The following PPA1 variants were observed in gnomAD, a reference collection of about 807,000 sequenced individuals.
PPA1 encodes inorganic pyrophosphatase 1.
In PPA1, 23 loss-of-function variants were observed where a neutral mutation model predicts 41.8. That is an observed-to-expected ratio of 0.55 (90% CI 0.40 to 0.78). The LOEUF (loss-of-function observed/expected upper bound fraction) is 0.78, where lower values mean the gene tolerates loss of function less well. Among genes scored for constraint, PPA1 ranks in the 30% least tolerant of loss-of-function variants. The pLI is 0.00. For missense variants in PPA1, 320 were observed against 361.6 expected (o/e 0.89, Z 0.93); for synonymous variants, 101 against 116.8 (o/e 0.86, Z 0.87).
At chr10:70,233,200 G>A (rs915537844) in intron 1 of PPA1, 64 bp downstream of exon 1, 18 of 1,497,060 alleles carry the variant, frequency 1.2e-5, no homozygotes, top group Non-Finnish European at 1.5e-5. Context: ...CCCTCCCGGG[G>A]AGGCAAGGCC....
Position 70,213,452 on chromosome 10 carries a change from A to G in PPA1, c.511+11T>C, listed in dbSNP as rs750871014. On this transcript the variant is annotated intron_variant, in intron 6 of 10. Coordinates refer to ENST00000373232, the MANE Select transcript of PPA1 (RefSeq NM_021129.4). The stretch of plus-strand genomic sequence containing the variant: ...AATTAGAAAGACTTCAGACTTTTCA[A>G]ATTTTCTTACCATTATAATTGGCTG... The G allele has an allele frequency of 5.6e-6, 9 of 1,613,432 alleles. No homozygotes were observed. Among genetic ancestry groups the G allele is most frequent in the East Asian group, 4.5e-5 (2 of 44,876 alleles).
At chr10:70,209,892 A>G (rs1839997407) in intron 6 of PPA1, 2 of 549,780 alleles carry the variant, frequency 3.6e-6, no homozygotes, top group Admixed American at 3.7e-5. Flanking sequence ...AGCCATACAC[A>G]TATACATTGA....
At chr10:70,230,501 A>G in intron 1 of PPA1, 102 bp from the exon 2 acceptor site, 1 of 1,188,530 alleles carries the variant, frequency 8.4e-7, no homozygotes, top group Non-Finnish European at 1.2e-6. Context: ...TTACTCTGTC[A>G]CCCAGGATGG....
intron 6 of PPA1, among the ~76,000 whole-genome samples, chr10:70,212,141 A>T (rs1449272436): frequency 6.6e-6 from 1 of 151,956 alleles, no homozygotes. Flanking sequence ...ACAATTAAGG[A>T]CCTCCTTGAG....
At chr10:70,209,802 C>A in intron 6 of PPA1, 117 bp from the exon 7 acceptor site, 5 of 1,230,498 alleles carry the variant, frequency 4.1e-6, no homozygotes, top group Non-Finnish European at 5.7e-6. Flanking sequence ...ATTCCAAGTA[C>A]TTATTTTGAA....
intron 4 of PPA1, among the ~76,000 whole-genome samples, chr10:70,216,466 G>A (rs1840082791): frequency 1.4e-5 from 2 of 146,468 alleles, no homozygotes; most frequent in Non-Finnish European, 3.0e-5. Flanking sequence ...CAGCCCGGGC[G>A]ACAGTGCAAG....
At position 70,209,655 on chromosome 10, in the gene PPA1, C is replaced by T; in HGVS notation, c.542G>A (p.Gly181Asp). 2 of 1,604,338 alleles carry T rather than the reference C, an allele frequency of 1.2e-6. No homozygotes were observed. Among genetic ancestry groups the T allele is most frequent in the Non-Finnish European group, 1.7e-6 (2 of 1,173,722 alleles). The change falls in exon 7 of 11, where the codon GGC (glycine) becomes GAC (aspartate). Residue 181 changes from glycine (G) to aspartate (D), a missense_variant. By Grantham distance (94) the Gly-to-Asp change is moderately conservative. Transcript: ENST00000373232. ...CCAGTCCACAGTAGCTTCTAAGTAG[C>T]CAGGTTTCAGCCGTTTGACATCATT... ...DINDVKRLKP[G>D]YLEATVDWFR...
intron 1 of PPA1, among the ~76,000 whole-genome samples, 191 bp downstream of exon 1, chr10:70,233,073 C>G (rs1224066288): frequency 3.3e-5 from 5 of 152,146 alleles, no homozygotes; most frequent in Admixed American, 3.3e-4. Flanking sequence ...TGGCCGGAGG[C>G]GACCCTCGCC....
intron 2 of PPA1, among the ~76,000 whole-genome samples, chr10:70,219,529 T>C (rs996484091): frequency 1.3e-5 from 2 of 152,198 alleles, no homozygotes; most frequent in Non-Finnish European, 2.9e-5. Flanking sequence ...ATACTTTAGT[T>C]TTAGCATCAA....
chr10:70,209,255 G>A lies in PPA1; in HGVS notation c.675C>T (p.Asp225=), dbSNP rs757996197. ...TCTTAGTCACTAATGCTTTCCAATG[G>A]TCATGAGTGCTTTTAATAATATCAA... ...FAIDIIKSTH[D]HWKALVTKKT... The change falls in exon 8 of 11, where the codon GAC becomes GAT. Residue 225 remains aspartate (D), a synonymous_variant. Transcript: ENST00000373232. 6 of 1,602,376 alleles carry A rather than the reference G, an allele frequency of 3.7e-6. No individual in the cohort carries two copies. In the South Asian group the frequency reaches 6.6e-5, roughly 18 times the overall value.
At chr10:70,224,034 A>G (rs1260142333) in intron 2 of PPA1, among the ~76,000 whole-genome samples, 1 of 152,166 alleles carries the variant, frequency 6.6e-6, no homozygotes, top group Non-Finnish European at 1.5e-5. Context: ...AAACTCAATA[A>G]TTACCTTGCT....
intron 8 of PPA1, among the ~76,000 whole-genome samples, chr10:70,208,151 T>C (rs1029598513): frequency 3.3e-5 from 5 of 151,822 alleles, no homozygotes; most frequent in African/African-American, 1.2e-4. Context: ...GATCATGCCA[T>C]TGCACTCCAG....
intron 6 of PPA1, among the ~76,000 whole-genome samples, chr10:70,210,867 G>A (rs888154700): frequency 1.3e-5 from 2 of 151,430 alleles, no homozygotes; most frequent in Non-Finnish European, 1.5e-5. Flanking sequence ...CCGGGTTCAC[G>A]CCATTCTCCT....
At position 70,209,282 on chromosome 10, in the gene PPA1, G is replaced by A. The variant is rs185295662; in HGVS notation, c.648C>T (p.Ala216=). Reference sequence around the variant, plus strand: ...CATGAGTGCTTTTAATAATATCAATGGCAAAGTCCTATAATTTGAAGAGGT... The same window carrying A: ...CATGAGTGCTTTTAATAATATCAATAGCAAAGTCCTATAATTTGAAGAGGT... ...FNAEFKDKDF[A]IDIIKSTHDH... Residue 216 remains alanine (A), a synonymous_variant, in exon 8 of 11, where the codon GCC becomes GCT. Transcript: ENST00000373232. 257 of 1,583,940 alleles carry A rather than the reference G, an allele frequency of 1.6e-4. 1 individual carries two copies. The East Asian group carries it at 4.9e-3, about 30-fold the overall frequency.
At chr10:70,219,386 A>T (rs948427157) in intron 2 of PPA1, among the ~76,000 whole-genome samples, 1 of 152,236 alleles carries the variant, frequency 6.6e-6, no homozygotes, top group Non-Finnish European at 1.5e-5. Flanking sequence ...CTTCAGAGAC[A>T]CTGCAATTAC....
intron 2 of PPA1, among the ~76,000 whole-genome samples, chr10:70,222,922 G>A (rs1840191630): frequency 6.8e-6 from 1 of 147,652 alleles, no homozygotes; most frequent in African/African-American, 2.5e-5. Flanking sequence ...CTATGAGTGA[G>A]AAATGCGGTG....
intron 4 of PPA1, among the ~76,000 whole-genome samples, chr10:70,214,887 G>A (rs755434192): frequency 2.6e-5 from 4 of 152,116 alleles, no homozygotes; most frequent in Admixed American, 2.6e-4. Flanking sequence ...AGACCCAAAC[G>A]TTTACTTTAA....
intron 8 of PPA1, among the ~76,000 whole-genome samples, chr10:70,208,728 T>C (rs1839978789): frequency 6.6e-6 from 1 of 152,160 alleles, no homozygotes; most frequent in South Asian, 2.1e-4. Context: ...TTATAGGACA[T>C]TATCCTGACA....
chr10:70,203,240 A>G (rs1839901307), intron 10 of PPA1, 54 bp from the exon 11 acceptor site: 1 of 1,435,034 alleles, frequency 7.0e-7, no homozygotes, highest in Non-Finnish European at 9.8e-7. Flanking sequence ...AATCAAAAAT[A>G]CACCTAACAT....
Sources: allele counts gnomAD v4.1 joint callset (sites outside exome capture counted in the v4.1 genomes callset), GRCh38; gene constraint gnomAD v4.1.1; transcripts MANE v1.5; gene names NCBI Gene and HGNC (gene_info 2026-07-23, HGNC 2026-07-21).